The following EDC3 variants were observed in gnomAD, a reference collection of about 807,000 sequenced individuals.
The protein encoded by EDC3 is enhancer of mRNA decapping 3.
EDC3 carries 20 observed loss-of-function variants against 41.8 expected under a neutral mutation model. That is an observed-to-expected ratio of 0.48 (90% confidence interval 0.34 to 0.70). The LOEUF (loss-of-function observed/expected upper bound fraction) is 0.70, where lower values mean the gene tolerates loss of function less well. EDC3 is among the 30% of genes least tolerant of loss of function. EDC3 has a pLI of 0.01. For synonymous variants in EDC3, 206 were observed against 243.2 expected (o/e 0.85, Z 1.42); for missense variants, 444 against 636.8 (o/e 0.70, Z 3.26).
intron 1 of EDC3, among the ~76,000 whole-genome samples, chr15:74,694,389 C>T (rs2063042264): frequency 6.6e-6 from 1 of 152,130 alleles, no homozygotes; most frequent in Admixed American, 6.6e-5. Flanking sequence ...CTCACTGCAA[C>T]CTCTCCCTCC....
At chr15:74,677,225 G>A (rs1052227211) in intron 1 of EDC3, among the ~76,000 whole-genome samples, 2 of 151,830 alleles carry the variant, frequency 1.3e-5, no homozygotes, top group African/African-American at 2.4e-5. Context: ...ACCACACCTG[G>A]CTAATTTTTG....
intron 1 of EDC3, among the ~76,000 whole-genome samples, chr15:74,689,836 C>T (rs768202011): frequency 5.9e-5 from 9 of 152,308 alleles, no homozygotes; most frequent in South Asian, 4.1e-4. Flanking sequence ...GCCTCCATTT[C>T]TTAAACACCT....
chr15:74,639,672 G>A (rs533942621), intron 5 of EDC3: 1 of 151,074 alleles, frequency 6.6e-6, no homozygotes, highest in Admixed American at 6.6e-5. Context: ...CTGAGATTGT[G>A]CCACTGTGCT....
chr15:74,673,837 CAAAAAAAAAAAA>C, intron 2 of EDC3, among the ~76,000 whole-genome samples: 1 of 47,264 alleles, frequency 2.1e-5, no homozygotes, highest in East Asian at 6.7e-4. Context: ...GAGACTCCAT[CAAAAAAAAAAAA>C]AAAAAAAAGA....
At chr15:74,664,675 C>T (rs2062657995) in intron 3 of EDC3, among the ~76,000 whole-genome samples, 1 of 152,170 alleles carries the variant, frequency 6.6e-6, no homozygotes, top group Admixed American at 6.5e-5. Flanking sequence ...GGACCTTCTT[C>T]TCAACTCTCA....
chr15:74,684,520 T>C (rs2062913900), intron 1 of EDC3, among the ~76,000 whole-genome samples: 1 of 150,176 alleles, frequency 6.7e-6, no homozygotes, highest in Non-Finnish European at 1.5e-5. Flanking sequence ...AAATAAATGC[T>C]TTCCCCAAGT....
intron 1 of EDC3, among the ~76,000 whole-genome samples, chr15:74,678,410 T>A (rs898056910): frequency 6.6e-6 from 1 of 152,184 alleles, no homozygotes; most frequent in Non-Finnish European, 1.5e-5. Flanking sequence ...AAATAAAGTC[T>A]ATTTAATAGA....
intron 1 of EDC3, among the ~76,000 whole-genome samples, chr15:74,693,923 C>T (rs1004711968): frequency 6.6e-6 from 1 of 151,942 alleles, no homozygotes; most frequent in African/African-American, 2.4e-5. Context: ...GCAGAGGTTA[C>T]AGTGAGCAGA....
At chr15:74,685,599 T>C (rs2062927999) in intron 1 of EDC3, among the ~76,000 whole-genome samples, 1 of 152,166 alleles carries the variant, frequency 6.6e-6, no homozygotes, top group Admixed American at 6.5e-5. Flanking sequence ...CCTACATGTT[T>C]ATATCTAAAT....
intron 3 of EDC3, among the ~76,000 whole-genome samples, chr15:74,660,055 A>C (rs1054904991): frequency 1.3e-5 from 2 of 151,554 alleles, no homozygotes; most frequent in Non-Finnish European, 2.9e-5. Context: ...AAAGAAAAAA[A>C]AATAAAATAA....
chr15:74,686,383 A>T (rs2141679603), intron 1 of EDC3, among the ~76,000 whole-genome samples: 1 of 151,990 alleles, frequency 6.6e-6, no homozygotes, highest in South Asian at 2.1e-4. Flanking sequence ...GCTACTTGGG[A>T]GGCTGAGGCA....
intron 2 of EDC3, among the ~76,000 whole-genome samples, chr15:74,673,598 A>AG (rs2062765503): frequency 6.6e-6 from 1 of 152,104 alleles, no homozygotes; most frequent in Non-Finnish European, 1.5e-5. Flanking sequence ...GCACTTTGGG[A>AG]GGCCGAGAAG....
chr15:74,691,513 A>G lies in EDC3; in HGVS notation c.-19+4367T>C, dbSNP rs1007598725. On this transcript the variant is annotated intron_variant, in intron 1 of 6. Transcript: ENST00000315127. ...CACTTCTCACCCAAACAAAATTACA[A>G]AAATACATGAATTCCCTCTACAACA... Among the ~76,000 whole-genome samples the G allele has an allele frequency of 2.0e-5, 3 of 152,200 alleles. No individual in the cohort carries two copies. In the East Asian group the frequency reaches 5.8e-4, roughly 29 times the overall value.
chr15:74,634,107 C>G (rs1247692129), intron 6 of EDC3, among the ~76,000 whole-genome samples: 3 of 152,220 alleles, frequency 2.0e-5, no homozygotes, highest in Non-Finnish European at 4.4e-5. Flanking sequence ...CCATTCCAGT[C>G]AGACTCTGTC....
At chr15:74,690,871 G>T (rs146810548) in intron 1 of EDC3, among the ~76,000 whole-genome samples, 6 of 152,234 alleles carry the variant, frequency 3.9e-5, no homozygotes, top group Admixed American at 3.3e-4. Flanking sequence ...GCAGCACGGT[G>T]AAAAGAGAAT....
chr15:74,653,892 C>T (rs1287571886), intron 4 of EDC3, among the ~76,000 whole-genome samples: 3 of 152,086 alleles, frequency 2.0e-5, no homozygotes, highest in Non-Finnish European at 2.9e-5. Flanking sequence ...CCCTGATTCT[C>T]ACTGTTATTC....
intron 1 of EDC3, among the ~76,000 whole-genome samples, chr15:74,676,062 C>T (rs2062804167): frequency 6.6e-6 from 1 of 151,796 alleles, no homozygotes; most frequent in Non-Finnish European, 1.5e-5. Flanking sequence ...TATTCTCTAC[C>T]CACAACAGAA....
chr15:74,690,750 C>A (rs927637305), intron 1 of EDC3, among the ~76,000 whole-genome samples: 3 of 152,142 alleles, frequency 2.0e-5, no homozygotes, highest in African/African-American at 7.2e-5. Flanking sequence ...AGTTTCAGAC[C>A]AGCCTGGACA....
intron 1 of EDC3, among the ~76,000 whole-genome samples, chr15:74,690,461 T>G (rs1443096976): frequency 2.6e-5 from 4 of 152,230 alleles, no homozygotes; most frequent in African/African-American, 4.8e-5. Context: ...TCTAGCTACC[T>G]CCATCTCTGT....
Sources: gnomAD v4.1 joint callset for allele counts (sites outside exome capture counted in the v4.1 genomes callset) on GRCh38, gnomAD v4.1.1 for gene constraint, MANE v1.5 for transcripts, NCBI Gene and HGNC (gene_info 2026-07-23, HGNC 2026-07-21) for gene names.